GTF2IRD2: variants seen among roughly 807,000 people sequenced by gnomAD.
The protein encoded by GTF2IRD2 is general transcription factor II-I repeat domain-containing protein 2A.
In GTF2IRD2, 8 loss-of-function variants were observed where a neutral mutation model predicts 49.2. That is an observed-to-expected ratio of 0.16 (90% CI 0.10 to 0.29). GTF2IRD2 has a LOEUF of 0.29. Among genes scored for constraint, GTF2IRD2 ranks in the 10% least tolerant of loss-of-function variants. GTF2IRD2 has a pLI of 1.00. For synonymous variants in GTF2IRD2, 47 were observed against 289.7 expected, an observed-to-expected ratio of 0.16 and a Z score of 8.51; for missense variants, 130 against 725.7, an observed-to-expected ratio of 0.18 and a Z score of 9.43.
At chr7:74,841,176 T>G (rs1423881041) in intron 1 of GTF2IRD2, among the ~76,000 whole-genome samples, 1 of 137,968 alleles carries the variant, frequency 7.2e-6, no homozygotes, top group Admixed American at 7.2e-5. Flanking sequence ...ATGTATTGGT[T>G]TTTTTTTTTG....
At chr7:74,826,882 T>C (rs1253064434) in intron 3 of GTF2IRD2, among the ~76,000 whole-genome samples, 3 of 150,394 alleles carry the variant, frequency 2.0e-5, no homozygotes, top group Non-Finnish European at 4.4e-5. Flanking sequence ...CGGCTAACTT[T>C]TATAATTTTA....
Position 74,808,741 on chromosome 7 carries a change from ATT to A in GTF2IRD2, c.871+365_871+366del, listed in dbSNP as rs371258922. Among the ~76,000 whole-genome samples the A allele has an allele frequency of 1.9e-3, 121 of 64,474 alleles. 15 individuals are homozygous for A. Among genetic ancestry groups the A allele is most frequent in the African/African-American group, 4.8e-3 (107 of 22,182 alleles). The allele number at this position is 64,474 out of a possible 152,430, so 42.3% of individuals were successfully genotyped here. A position where few individuals can be genotyped will look rare whatever the true frequency, so the allele number is the denominator to read the frequency against. ...TAGAGATTTCAATCTCTTCCCCACA[ATT>A]TTTTTTTTTTTTTAGATGGAATCTC... is the stretch of plus-strand genomic sequence containing the variant. On this transcript the variant is annotated intron_variant, in intron 11 of 15. Coordinates refer to ENST00000451013, the MANE Select transcript of GTF2IRD2 (RefSeq NM_173537.5).
intron 3 of GTF2IRD2, among the ~76,000 whole-genome samples, chr7:74,831,273 T>TTATC: frequency 6.6e-6 from 1 of 150,784 alleles, no homozygotes; most frequent in South Asian, 2.1e-4. Flanking sequence ...CCTGTCTCCC[T>TTATC]TATCTATCCA....
At chr7:74,825,749 T>G (rs1335524446) in intron 3 of GTF2IRD2, among the ~76,000 whole-genome samples, 701 of 149,832 alleles carry the variant, frequency 4.7e-3, no homozygotes, top group African/African-American at 0.016. Context: ...AAGGTTTTTG[T>G]TTTTTTTTTT....
At chr7:74,842,544 T>C (rs1370022054) in intron 1 of GTF2IRD2, among the ~76,000 whole-genome samples, 4 of 143,704 alleles carry the variant, frequency 2.8e-5, no homozygotes, top group African/African-American at 1.1e-4. Flanking sequence ...TTTTTTAAAT[T>C]TTTATTTATT....
chr7:74,829,934 CAG>C (rs1799699559), intron 3 of GTF2IRD2, among the ~76,000 whole-genome samples: 1 of 148,302 alleles, frequency 6.7e-6, no homozygotes, highest in Non-Finnish European at 1.5e-5. Context: ...CTCTGAATAA[CAG>C]AAGTAATCTT....
At chr7:74,810,082 C>T (rs1798035870) in intron 10 of GTF2IRD2, among the ~76,000 whole-genome samples, 1 of 40,932 alleles carries the variant, frequency 2.4e-5, no homozygotes, top group African/African-American at 7.2e-5. Context: ...GCATAAGCCA[C>T]CATGCCTGGC....
At chr7:74,824,119 T>C (rs1264448160) in intron 4 of GTF2IRD2, among the ~76,000 whole-genome samples, 4 of 125,402 alleles carry the variant, frequency 3.2e-5, no homozygotes, top group African/African-American at 9.4e-5. Context: ...TGAGCCGAGA[T>C]TGAGCCACTG....
chr7:74,824,185 G>A (rs1799171049), intron 4 of GTF2IRD2, among the ~76,000 whole-genome samples: 1 of 138,092 alleles, frequency 7.2e-6, no homozygotes, highest in Admixed American at 7.4e-5. Flanking sequence ...AAAAGAACTG[G>A]TGGCCAGGCA....
At chr7:74,829,907 T>C (rs1387118768) in intron 3 of GTF2IRD2, among the ~76,000 whole-genome samples, 1 of 105,046 alleles carries the variant, frequency 9.5e-6, no homozygotes, top group Non-Finnish European at 1.9e-5. Flanking sequence ...AAAAAATTCA[T>C]ATGGAACACC....
At chr7:74,845,791 T>C (rs1483157855) in intron 1 of GTF2IRD2, among the ~76,000 whole-genome samples, 1 of 152,110 alleles carries the variant, frequency 6.6e-6, no homozygotes, top group Non-Finnish European at 1.5e-5. Flanking sequence ...TGCACTCTAA[T>C]AAAGCTCAAA....
At chr7:74,818,680 G>C (rs1420130969) in intron 8 of GTF2IRD2, 1 of 146,984 alleles carries the variant, frequency 6.8e-6, no homozygotes, top group Non-Finnish European at 1.5e-5. Flanking sequence ...GAACTCCAGG[G>C]TTCAAGCAAT....
intron 3 of GTF2IRD2, among the ~76,000 whole-genome samples, chr7:74,826,699 C>CTTTTT (rs1175596623): frequency 6.0e-5 from 1 of 16,600 alleles, no homozygotes; most frequent in Non-Finnish European, 9.8e-5. Flanking sequence ...TCATTTCATT[C>CTTTTT]TTTTTTTTTT....
At chr7:74,824,123 G>T (rs1799164932) in intron 4 of GTF2IRD2, among the ~76,000 whole-genome samples, 1 of 126,250 alleles carries the variant, frequency 7.9e-6, no homozygotes, top group South Asian at 3.0e-4. Context: ...CCGAGATTGA[G>T]CCACTGCACT....
Position 74,842,804 on chromosome 7 carries a change from T to C in GTF2IRD2, c.-5-6421A>G, listed in dbSNP as rs587743573. Reference sequence around the variant, plus strand: ...CCTGGGCTCAAACGATCCTTCCACCTCAGCCTCCCAGAGTGTTGGGATTAC... The same window carrying C: ...CCTGGGCTCAAACGATCCTTCCACCCCAGCCTCCCAGAGTGTTGGGATTAC... On this transcript the variant is annotated intron_variant, in intron 1 of 15. Coordinates refer to ENST00000451013, the MANE Select transcript of GTF2IRD2 (RefSeq NM_173537.5). Among the ~76,000 whole-genome samples, 248 of 146,050 alleles carry C rather than the reference T, an allele frequency of 1.7e-3. 25 individuals are homozygous for C. The highest frequency in any genetic ancestry group is 3.1e-3 in the Non-Finnish European group (208 of 66,998).
intron 11 of GTF2IRD2, among the ~76,000 whole-genome samples, chr7:74,808,657 C>T (rs1182640796): frequency 6.2e-5 from 5 of 80,330 alleles, no homozygotes; most frequent in Non-Finnish European, 1.5e-4. Flanking sequence ...TACAACACCT[C>T]AAAGCATTGG....
intron 3 of GTF2IRD2, among the ~76,000 whole-genome samples, chr7:74,831,546 C>G (rs1463592322): frequency 6.8e-6 from 1 of 146,756 alleles, no homozygotes; most frequent in East Asian, 2.0e-4. Context: ...CACACACACC[C>G]TTATACCCTC....
chr7:74,815,617 C>T (rs1180230222), intron 8 of GTF2IRD2, among the ~76,000 whole-genome samples: 7 of 89,014 alleles, frequency 7.9e-5, no homozygotes, highest in Admixed American at 1.4e-4. Flanking sequence ...CCAGGTGTGA[C>T]GGCGTGCACC....
intron 1 of GTF2IRD2, among the ~76,000 whole-genome samples, chr7:74,839,684 T>C (rs1460826886): frequency 8.6e-6 from 1 of 115,972 alleles, no homozygotes; most frequent in Non-Finnish European, 1.8e-5. Context: ...TTGCCATTGA[T>C]CTATGATGTC....
Sources: allele counts gnomAD v4.1 joint callset (sites outside exome capture counted in the v4.1 genomes callset), GRCh38; gene constraint gnomAD v4.1.1; transcripts MANE v1.5; gene names NCBI Gene and HGNC (gene_info 2026-07-23, HGNC 2026-07-21).